Variants in GTF2F2 observed in about 807,000 individuals in gnomAD.
The protein encoded by GTF2F2 is general transcription factor IIF subunit 2, also known as ATP-dependent helicase GTF2F2.
Under a neutral mutation model 42.2 loss-of-function variants are expected in GTF2F2, and 23 were observed. The observed-to-expected ratio is 0.55, with a 90% CI of 0.39 to 0.77. The LOEUF is 0.77. Among genes scored for constraint, GTF2F2 ranks in the 30% least tolerant of loss-of-function variants. GTF2F2 has a pLI of 0.00. For missense variants in GTF2F2, 261 were observed against 287.2 expected, an observed-to-expected ratio of 0.91 and a Z score of 0.66; for synonymous variants, 105 against 100.8, an observed-to-expected ratio of 1.04 and a Z score of -0.25.
At chr13:45,165,392 A>G (rs1265593296) in intron 4 of GTF2F2, among the ~76,000 whole-genome samples, 1 of 149,720 alleles carries the variant, frequency 6.7e-6, no homozygotes, top group Non-Finnish European at 1.5e-5. Flanking sequence ...TAGTAGCACA[A>G]TCTCAGCTTA....
chr13:45,189,939 A>G (rs1389313832), intron 4 of GTF2F2, among the ~76,000 whole-genome samples: 1 of 152,242 alleles, frequency 6.6e-6, no homozygotes, highest in East Asian at 1.9e-4. Context: ...TTCAGGACAT[A>G]GGCATGGGCA....
chr13:45,167,052 T>C (rs1179907684), intron 4 of GTF2F2, among the ~76,000 whole-genome samples: 1 of 152,048 alleles, frequency 6.6e-6, no homozygotes, highest in Non-Finnish European at 1.5e-5. Flanking sequence ...CCAGCACACT[T>C]TGAAAGACTG....
intron 1 of GTF2F2, among the ~76,000 whole-genome samples, chr13:45,128,496 C>G (rs1460278633): frequency 2.0e-5 from 3 of 151,166 alleles, no homozygotes; most frequent in Non-Finnish European, 4.4e-5. Context: ...TCACTTGCAC[C>G]TGGGGGGCGG....
At chr13:45,158,401 A>G (rs966765192) in intron 4 of GTF2F2, among the ~76,000 whole-genome samples, 5 of 152,148 alleles carry the variant, frequency 3.3e-5, no homozygotes, top group African/African-American at 1.2e-4. Context: ...CTTTTTCTTT[A>G]TAAATTACCC....
At chr13:45,158,708 A>C (rs948515140) in intron 4 of GTF2F2, among the ~76,000 whole-genome samples, 1 of 152,140 alleles carries the variant, frequency 6.6e-6, no homozygotes, top group Non-Finnish European at 1.5e-5. Context: ...TTGTCCCATT[A>C]TTAAACCTTG....
chr13:45,138,962 A>G (rs972458997), intron 2 of GTF2F2, among the ~76,000 whole-genome samples: 9 of 152,202 alleles, frequency 5.9e-5, no homozygotes, highest in Non-Finnish European at 1.2e-4. Flanking sequence ...GAAGATTATT[A>G]TGAATGCTGT....
At chr13:45,228,229 A>AAC (rs1874462799) in intron 5 of GTF2F2, among the ~76,000 whole-genome samples, 1 of 146,232 alleles carries the variant, frequency 6.8e-6, no homozygotes, top group Non-Finnish European at 1.5e-5. Flanking sequence ...GTTCTCCCTA[A>AAC]ACACCAGTCT....
At chr13:45,152,649 C>G (rs1297857950) in intron 4 of GTF2F2, among the ~76,000 whole-genome samples, 1 of 152,168 alleles carries the variant, frequency 6.6e-6, no homozygotes, top group Non-Finnish European at 1.5e-5. Context: ...CAAGAAGTTT[C>G]TGCGTAGAGT....
intron 1 of GTF2F2, among the ~76,000 whole-genome samples, chr13:45,135,201 G>A (rs1181704396): frequency 6.6e-6 from 1 of 151,978 alleles, no homozygotes; most frequent in Admixed American, 6.6e-5. Context: ...TGATCTGCCC[G>A]CCTTGGCCTC....
chr13:45,206,138 A>T (rs114578334), intron 4 of GTF2F2, among the ~76,000 whole-genome samples: 1,902 of 152,212 alleles, frequency 0.012, 40 homozygotes, highest in African/African-American at 0.04. Flanking sequence ...CATGCTTCTC[A>T]TCATTGCTTT....
Position 45,207,419 on chromosome 13 carries a change from TCA to T in GTF2F2, c.305-4_305-3del. 1 of 1,582,820 alleles carries T rather than the reference TCA, an allele frequency of 6.3e-7. No homozygotes were observed. Among genetic ancestry groups the T allele is most frequent in the Non-Finnish European group, 8.7e-7 (1 of 1,152,014 alleles). ...TCTCTGAATCCTTTTTTTTTTCCAT[TCA>T]AGATAAGCTGTCATTGGAAGGAATA... On this transcript the variant is annotated splice_polypyrimidine_tract_variant and splice_region_variant and intron_variant, in intron 4 of 7. Transcript: ENST00000340473.
intron 4 of GTF2F2, among the ~76,000 whole-genome samples, chr13:45,175,871 G>A (rs1029204027): frequency 1.3e-5 from 2 of 152,138 alleles, no homozygotes; most frequent in Admixed American, 6.5e-5. Flanking sequence ...TAATCCGCCC[G>A]CCTCGGCCTC....
chr13:45,187,177 C>G (rs1872461062), intron 4 of GTF2F2, among the ~76,000 whole-genome samples: 1 of 152,030 alleles, frequency 6.6e-6, no homozygotes, highest in Admixed American at 6.6e-5. Context: ...ATTGCTTGAG[C>G]CCAGGAGTTT....
rs539267493 is a variant in GTF2F2 at position 45,210,736 on chromosome 13, TA to T, written c.386+3235del. ...TGAATGAATGGCACAAGATGAGGTT[TA>T]AAATGTTAAAGAGTCTTAGATACTA... On this transcript the variant is annotated intron_variant, in intron 5 of 7. Coordinates refer to ENST00000340473, the MANE Select transcript of GTF2F2 (RefSeq NM_004128.3). Among the ~76,000 whole-genome samples the T allele has an allele frequency of 4.7e-4, 72 of 152,328 alleles. 1 individual carries two copies. The highest frequency in any genetic ancestry group is 9.4e-4 in the Non-Finnish European group (64 of 68,014).
chr13:45,178,466 G>A (rs1871990636), intron 4 of GTF2F2, among the ~76,000 whole-genome samples: 1 of 147,340 alleles, frequency 6.8e-6, no homozygotes, highest in Non-Finnish European at 1.5e-5. Flanking sequence ...GTTTTATAGT[G>A]TGTATCTGAG....
chr13:45,244,560 A>G (rs910504174), intron 5 of GTF2F2, among the ~76,000 whole-genome samples: 2 of 152,228 alleles, frequency 1.3e-5, no homozygotes, highest in Non-Finnish European at 2.9e-5. Flanking sequence ...TAATAATAAT[A>G]GAAAGACTAG....
chr13:45,279,957 C>T (rs1257836743), intron 7 of GTF2F2, among the ~76,000 whole-genome samples: 1 of 148,464 alleles, frequency 6.7e-6, no homozygotes, highest in African/African-American at 2.5e-5. Flanking sequence ...AAGAGGAGAG[C>T]AAGGCATATA....
At chr13:45,208,115 C>A (rs1191546303) in intron 5 of GTF2F2, among the ~76,000 whole-genome samples, 2 of 150,756 alleles carry the variant, frequency 1.3e-5, no homozygotes, top group African/African-American at 4.9e-5. Context: ...CCCAGTGAGA[C>A]CTTGTCTCAA....
intron 6 of GTF2F2, among the ~76,000 whole-genome samples, chr13:45,259,038 A>G (rs1459536145): frequency 2.0e-5 from 3 of 152,072 alleles, no homozygotes; most frequent in Non-Finnish European, 4.4e-5. Context: ...TCTCATAAGG[A>G]ATTCCTTTTC....
Sources: allele counts gnomAD v4.1 joint callset (sites outside exome capture counted in the v4.1 genomes callset), GRCh38; gene constraint gnomAD v4.1.1; transcripts MANE v1.5; gene names NCBI Gene and HGNC (gene_info 2026-07-23, HGNC 2026-07-21).